The following MSRA variants were observed in gnomAD, a reference collection of about 807,000 sequenced individuals.
MSRA encodes mitochondrial peptide methionine sulfoxide reductase.
A neutral mutation model predicts 31.3 loss-of-function variants in MSRA; 54 were observed. The observed-to-expected ratio is 1.73, with a 90% CI of 1.39 to 2.17. The LOEUF (loss-of-function observed/expected upper bound fraction) is 2.17. MSRA is among the 30% of genes most tolerant of loss of function. The pLI is 0.00. For missense variants in MSRA, 507 were observed against 300.9 expected (o/e 1.69, Z -5.07); for synonymous variants, 169 against 116.5 (o/e 1.45, Z -2.90).
rs377482829 is a variant in MSRA, at chr8:10,130,783, G to T, written c.142+76125G>T. Among the ~76,000 whole-genome samples, 132 of 152,244 alleles carry T rather than the reference G, an allele frequency of 8.7e-4. No individual in the cohort carries two copies. In the South Asian group the frequency reaches 0.027, roughly 31 times the overall value. Reference sequence around the variant, plus strand: ...CGGTCGCTAAGATGTATTTTGCAGTGGCTGGAAAGAAACTAGCATTCTTAG... The same window carrying T: ...CGGTCGCTAAGATGTATTTTGCAGTTGCTGGAAAGAAACTAGCATTCTTAG... On this transcript the variant is annotated intron_variant, in intron 1 of 5. Transcript: ENST00000317173.
At chr8:10,074,098 T>TTTTTTTA (rs1797875644) in intron 1 of MSRA, among the ~76,000 whole-genome samples, 1 of 84,572 alleles carries the variant, frequency 1.2e-5, no homozygotes, top group African/African-American at 4.3e-5. Flanking sequence ...TTTTTTTTTT[T>TTTTTTTA]ATTAAATGGA....
chr8:10,108,523 G>T (rs1011295648), intron 1 of MSRA, among the ~76,000 whole-genome samples: 1 of 152,118 alleles, frequency 6.6e-6, no homozygotes, highest in Non-Finnish European at 1.5e-5. Context: ...TTATATTTTG[G>T]TACATTTAGA....
chr8:10,169,673 C>A (rs1203208814), intron 1 of MSRA, among the ~76,000 whole-genome samples: 1 of 152,140 alleles, frequency 6.6e-6, no homozygotes, highest in Non-Finnish European at 1.5e-5. Flanking sequence ...AATGAAAAGA[C>A]AAATCTTGCC....
At chr8:10,219,421 C>G (rs3903066) in intron 2 of MSRA, among the ~76,000 whole-genome samples, 4 of 152,132 alleles carry the variant, frequency 2.6e-5, no homozygotes, top group Admixed American at 1.3e-4. Context: ...TAATCTCATA[C>G]ACATCTCGTG....
At chr8:10,345,584 C>T (rs530549915) in intron 5 of MSRA, among the ~76,000 whole-genome samples, 33 of 152,098 alleles carry the variant, frequency 2.2e-4, no homozygotes, top group Non-Finnish European at 4.3e-4. Flanking sequence ...AGGACTATAC[C>T]AATGGGATAT....
chr8:10,344,869 T>A (rs1803671680), intron 5 of MSRA, among the ~76,000 whole-genome samples: 1 of 152,196 alleles, frequency 6.6e-6, no homozygotes, highest in African/African-American at 2.4e-5. Flanking sequence ...TATCACAGCA[T>A]AACAAACTAC....
chr8:10,422,561 G>T (rs1009141111), intron 5 of MSRA, among the ~76,000 whole-genome samples: 3 of 152,158 alleles, frequency 2.0e-5, no homozygotes, highest in Non-Finnish European at 4.4e-5. Flanking sequence ...CAGTCCTGCT[G>T]ACTTCTTTCT....
intron 5 of MSRA, among the ~76,000 whole-genome samples, chr8:10,406,367 T>C (rs1185431986): frequency 6.6e-6 from 1 of 152,252 alleles, no homozygotes; most frequent in East Asian, 1.9e-4. Context: ...CAGCTACTTC[T>C]ACAAGATGAT....
At chr8:10,283,690 T>A (rs886981578) in intron 3 of MSRA, among the ~76,000 whole-genome samples, 2 of 150,870 alleles carry the variant, frequency 1.3e-5, no homozygotes, top group African/African-American at 4.9e-5. Context: ...GAACATACAA[T>A]GTTTTTTTTT....
chr8:10,127,328 T>G (rs1467879232), intron 1 of MSRA, among the ~76,000 whole-genome samples: 1 of 152,224 alleles, frequency 6.6e-6, no homozygotes, highest in Non-Finnish European at 1.5e-5. Context: ...CATAAATGGG[T>G]ACGGACTATG....
At chr8:10,244,687 A>C (rs1797521617) in intron 2 of MSRA, among the ~76,000 whole-genome samples, 1 of 152,204 alleles carries the variant, frequency 6.6e-6, no homozygotes, top group Non-Finnish European at 1.5e-5. Context: ...AAAATGGGTA[A>C]CTTAGTGCTA....
intron 1 of MSRA, among the ~76,000 whole-genome samples, chr8:10,110,085 C>T (rs1019811684): frequency 3.9e-5 from 6 of 152,136 alleles, no homozygotes; most frequent in African/African-American, 1.4e-4. Flanking sequence ...CAGTTCATGC[C>T]CCACACAGAC....
chr8:10,280,864 G>A (rs1041151181), intron 3 of MSRA, among the ~76,000 whole-genome samples: 1 of 152,172 alleles, frequency 6.6e-6, no homozygotes, highest in African/African-American at 2.4e-5. Flanking sequence ...CAACATGGTC[G>A]ATATTGAAAA....
chr8:10,319,418 C>G (rs987454527), intron 4 of MSRA, among the ~76,000 whole-genome samples: 2 of 152,144 alleles, frequency 1.3e-5, no homozygotes, highest in Admixed American at 6.5e-5. Flanking sequence ...GTGCAGGACT[C>G]CTGCTATGTG....
At chr8:10,166,006 T>C (rs1020924282) in intron 1 of MSRA, among the ~76,000 whole-genome samples, 1 of 152,086 alleles carries the variant, frequency 6.6e-6, no homozygotes, top group African/African-American at 2.4e-5. Context: ...GCGTAAAACA[T>C]CTGTGTCCAG....
At chr8:10,274,705 C>T (rs990354964) in intron 3 of MSRA, among the ~76,000 whole-genome samples, 6 of 152,092 alleles carry the variant, frequency 3.9e-5, no homozygotes, top group South Asian at 4.2e-4. Context: ...ACTCATCCGC[C>T]CATTTATCCA....
chr8:10,265,774 C>T (rs12679743), intron 3 of MSRA, among the ~76,000 whole-genome samples: 23,248 of 152,228 alleles, frequency 0.15, 2,079 homozygotes, highest in East Asian at 0.41. Context: ...TTCCTCACCC[C>T]GCAGCCCTGG....
At chr8:10,394,570 T>C in intron 5 of MSRA, among the ~76,000 whole-genome samples, 1 of 152,234 alleles carries the variant, frequency 6.6e-6, no homozygotes, top group East Asian at 1.9e-4. Flanking sequence ...ATTGACAGAA[T>C]TCTCACATCC....
intron 1 of MSRA, among the ~76,000 whole-genome samples, chr8:10,068,734 C>T (rs1413299854): frequency 6.6e-6 from 1 of 152,146 alleles, no homozygotes; most frequent in Non-Finnish European, 1.5e-5. Context: ...CTTTGTTCTT[C>T]TCCTTTAATA....
Sources: allele counts gnomAD v4.1 joint callset (sites outside exome capture counted in the v4.1 genomes callset), GRCh38; gene constraint gnomAD v4.1.1; transcripts MANE v1.5; gene names NCBI Gene and HGNC (gene_info 2026-07-23, HGNC 2026-07-21).